Variants in GDA observed in about 807,000 individuals in gnomAD.
The protein encoded by GDA is guanine deaminase.
GDA carries 18 observed loss-of-function variants against 59.6 expected under a neutral mutation model. The ratio of observed to expected loss-of-function variants is 0.30; its 90% CI spans 0.21 to 0.45. The LOEUF (loss-of-function observed/expected upper bound fraction) is 0.45, where lower values mean the gene tolerates loss of function less well. Ranked by LOEUF, GDA falls within the 20% of genes least tolerant of loss-of-function variation. The probability of loss-of-function intolerance (pLI) is 1.00; values close to 1 mark genes in which losing one functional copy is unlikely to be tolerated. For synonymous variants in GDA, 201 were observed against 201.1 expected, an observed-to-expected ratio of 1.00 and a Z score of 0.00; for missense variants, 427 against 552.3, an observed-to-expected ratio of 0.77 and a Z score of 2.27.
At chr9:72,149,724 G>A (rs1826912895) in intron 1 of GDA, 42 bp downstream of exon 1, 5 of 1,557,824 alleles carry the variant, frequency 3.2e-6, no homozygotes, top group Non-Finnish European at 4.3e-6. Flanking sequence ...CGGGCGGGAG[G>A]ATAGGTGCAA....
intron 1 of GDA, among the ~76,000 whole-genome samples, chr9:72,121,503 A>G (rs1482743764): frequency 6.6e-6 from 1 of 152,204 alleles, no homozygotes; most frequent in Non-Finnish European, 1.5e-5. Context: ...AGGCTGAGGC[A>G]GGAGAATCAC....
intron 1 of GDA, among the ~76,000 whole-genome samples, chr9:72,188,364 C>T (rs371211773): frequency 6.6e-6 from 1 of 152,170 alleles, no homozygotes; most frequent in African/African-American, 2.4e-5. Flanking sequence ...GGCTCCCTGC[C>T]CAGACCGACC....
upstream of GDA, chr9:72,149,378 T>C (rs1469621535): frequency 8.5e-6 from 5 of 586,858 alleles, no homozygotes; most frequent in Non-Finnish European, 1.5e-5. Flanking sequence ...ATTGAGGAGG[T>C]AGGGAGCCAG....
At chr9:72,115,004 C>CT (rs1490066054) in intron 1 of GDA, among the ~76,000 whole-genome samples, 1 of 152,144 alleles carries the variant, frequency 6.6e-6, no homozygotes, top group Non-Finnish European at 1.5e-5. Context: ...GGAACTGCCA[C>CT]TATGGCCTTA....
intron 1 of GDA, among the ~76,000 whole-genome samples, chr9:72,131,268 T>G (rs1826014655): frequency 6.6e-6 from 1 of 152,180 alleles, no homozygotes; most frequent in South Asian, 2.1e-4. Flanking sequence ...GTAGGTCTGC[T>G]ATGCCAAAAG....
intron 1 of GDA, among the ~76,000 whole-genome samples, chr9:72,140,594 G>A (rs1826406968): frequency 6.6e-6 from 1 of 152,044 alleles, no homozygotes; most frequent in Non-Finnish European, 1.5e-5. Flanking sequence ...GATGACATGA[G>A]GAATGGGTAA....
At chr9:72,209,271 A>C (rs940457103) in intron 3 of GDA, among the ~76,000 whole-genome samples, 10 of 152,090 alleles carry the variant, frequency 6.6e-5, no homozygotes, top group African/African-American at 2.4e-4. Flanking sequence ...TTTATTTAAA[A>C]AAATTTAGAT....
intron 10 of GDA, among the ~76,000 whole-genome samples, chr9:72,238,969 G>A (rs1161137289): frequency 6.6e-6 from 1 of 152,164 alleles, no homozygotes; most frequent in Non-Finnish European, 1.5e-5. Flanking sequence ...AAAGTTCCAT[G>A]CGCACAGTTT....
intron 1 of GDA, among the ~76,000 whole-genome samples, chr9:72,174,779 G>C (rs1045875961): frequency 1.3e-5 from 2 of 151,452 alleles, no homozygotes; most frequent in African/African-American, 4.9e-5. Flanking sequence ...GAGAGAGAGA[G>C]ACAGACAGAC....
chr9:72,166,246 A>C (rs13290586), intron 1 of GDA, among the ~76,000 whole-genome samples: 4,113 of 152,306 alleles, frequency 0.027, 78 homozygotes, highest in Non-Finnish European at 0.039. Flanking sequence ...AAAAGTGCCA[A>C]ATCATTGAGC....
intron 1 of GDA, among the ~76,000 whole-genome samples, chr9:72,142,820 G>A (rs1467323729): frequency 1.3e-5 from 2 of 151,956 alleles, no homozygotes; most frequent in Admixed American, 1.3e-4. Context: ...CCAGGCTGGA[G>A]TGCAATGGCG....
intron 11 of GDA, among the ~76,000 whole-genome samples, chr9:72,244,947 C>G (rs994935761): frequency 2.0e-5 from 3 of 152,164 alleles, no homozygotes; most frequent in Non-Finnish European, 4.4e-5. Context: ...TCAGATTTTG[C>G]TTTCCTGTGC....
chr9:72,241,305 A>T lies in GDA; in HGVS notation c.1135+7A>T. On this transcript the variant is annotated splice_region_variant and intron_variant, in intron 11 of 13. Coordinates refer to ENST00000358399, the MANE Select transcript of GDA (RefSeq NM_004293.5). ...ACTCTTGGAGGAAGCCAAGGTAATG[A>T]CTCTTACATTTTTCTCTCACACAAT... 6.3e-7 allele frequency: 1 copy of T among 1,578,610 alleles called. No homozygotes were observed. Among genetic ancestry groups the T allele is most frequent in the South Asian group, 1.1e-5 (1 of 88,336 alleles).
intron 1 of GDA, among the ~76,000 whole-genome samples, chr9:72,181,580 C>A (rs1831225643): frequency 6.6e-6 from 1 of 152,212 alleles, no homozygotes; most frequent in Admixed American, 6.5e-5. Flanking sequence ...CCGCCTTGGC[C>A]TCCCAAAGTG....
chr9:72,150,287 C>T (rs1417208660), intron 1 of GDA, among the ~76,000 whole-genome samples: 1 of 151,578 alleles, frequency 6.6e-6, no homozygotes, highest in Non-Finnish European at 1.5e-5. Context: ...CATCTCTTTT[C>T]CTTCCTCTCT....
At chr9:72,126,825 C>T (rs916095415) in intron 1 of GDA, among the ~76,000 whole-genome samples, 9 of 151,880 alleles carry the variant, frequency 5.9e-5, no homozygotes, top group African/African-American at 1.7e-4. Context: ...ACTCAGTCTC[C>T]GAAAGTGTTG....
In GDA at chr9:72,137,250, T is replaced by TC. The variant is rs1343621438; in HGVS notation, c.-100+22417_-100+22418insC. Among the ~76,000 whole-genome samples the TC allele has an allele frequency of 3.4e-3, 451 of 131,096 alleles. 3 individuals carry two copies. Among genetic ancestry groups the TC allele is most frequent in the Non-Finnish European group, 5.2e-3 (315 of 60,560 alleles). The allele number at this position is 131,096 out of a possible 152,430, so 86.0% of individuals were successfully genotyped here. A position where few individuals can be genotyped will look rare whatever the true frequency, so the allele number is the denominator to read the frequency against. On this transcript the variant is annotated intron_variant, in intron 1 of 13. Coordinates refer to the GDA transcript ENST00000545168. The stretch of plus-strand genomic sequence containing the variant: ...GATCCTTTTCTTTTTTTCTTTTTTT[T>TC]TTTTTTTTTTTTTGAGACGGAGTCT...
intron 1 of GDA, among the ~76,000 whole-genome samples, chr9:72,122,885 G>C (rs1156892854): frequency 2.6e-5 from 4 of 152,200 alleles, no homozygotes; most frequent in African/African-American, 9.6e-5. Flanking sequence ...GCAGGTGGGA[G>C]TGGGGAGAAG....
At chr9:72,147,874 A>G, upstream of GDA, among the ~76,000 whole-genome samples, 1 of 152,196 alleles carries the variant, frequency 6.6e-6, no homozygotes, top group South Asian at 2.1e-4. Flanking sequence ...GGACAAGTGT[A>G]ATGACCTCAG....
Sources: allele counts gnomAD v4.1 joint callset (sites outside exome capture counted in the v4.1 genomes callset), GRCh38; gene constraint gnomAD v4.1.1; transcripts MANE v1.5; gene names NCBI Gene and HGNC (gene_info 2026-07-23, HGNC 2026-07-21).